The following CDC7 variants were observed in gnomAD, a reference collection of about 807,000 sequenced individuals.
The protein encoded by CDC7 is cell division cycle 7, also known as cell division cycle 7-related protein kinase.
In CDC7, 34 loss-of-function variants were observed where a neutral mutation model predicts 53.5. The observed-to-expected ratio is 0.64, with a 90% CI of 0.48 to 0.85. CDC7 has a LOEUF of 0.85. Among genes scored for constraint, CDC7 ranks in the 40% least tolerant of loss-of-function variants. The pLI is 0.00. For synonymous variants in CDC7, 211 were observed against 222.8 expected (o/e 0.95, Z 0.47); for missense variants, 594 against 679.7 (o/e 0.87, Z 1.40).
chr1:91,519,151 TAACTA>T (rs1431171380), intron 10 of CDC7, among the ~76,000 whole-genome samples: 1 of 143,886 alleles, frequency 6.9e-6, no homozygotes, highest in Middle Eastern at 4.0e-3. Context: ...CAGTTTAAAA[TAACTA>T]AAAGAGTACT....
At position 91,525,477 on chromosome 1, in the gene CDC7, A is replaced by G. The variant is rs1394464974; in HGVS notation, c.*1042A>G. 6.6e-6 allele frequency: 1 copy of G among 152,150 alleles called. No homozygotes were observed. Among genetic ancestry groups the G allele is most frequent in the Non-Finnish European group, 1.5e-5 (1 of 67,978 alleles). 9.4% of individuals were successfully genotyped at this position (152,150 alleles called of 1,614,324 possible). A position where few individuals can be genotyped will look rare whatever the true frequency, so the allele number is the denominator to read the frequency against. ...CCAAGATAGAGGTTTATATTCAGAA[A>G]TGGTATATATCAATGACAGCATATC... On this transcript the variant is annotated 3_prime_UTR_variant, in exon 12 of 12. Coordinates refer to ENST00000234626, the MANE Select transcript of CDC7 (RefSeq NM_003503.4).
intron 2 of CDC7, among the ~76,000 whole-genome samples, chr1:91,505,241 A>G (rs1439100858): frequency 6.6e-6 from 1 of 152,174 alleles, no homozygotes; most frequent in Non-Finnish European, 1.5e-5. Context: ...AAGAATAGCA[A>G]GGAGGTCATT....
chr1:91,512,035 A>G (rs901070837), intron 6 of CDC7, 112 bp downstream of exon 6: 9 of 774,184 alleles, frequency 1.2e-5, no homozygotes, highest in East Asian at 5.7e-5. Flanking sequence ...AAAAGTTACT[A>G]TTGTGAAGCA....
At position 91,513,233 on chromosome 1, in the gene CDC7, T is replaced by C. The variant is rs1474433939; in HGVS notation, c.748T>C (p.Ser250Pro). The C allele has an allele frequency of 6.2e-7, 1 of 1,613,398 alleles. No individual in the cohort carries two copies. Among genetic ancestry groups the C allele is most frequent in the African/African-American group, 1.3e-5 (1 of 74,986 alleles). Residue 250 changes from serine (S) to proline (P), a missense_variant, in exon 7 of 12, where the codon TCC becomes CCC. Transcript: ENST00000234626. Reference protein sequence around the residue: ...GPVPKELDQQSTTKASVKRPY... With the variant: ...GPVPKELDQQPTTKASVKRPY... ...AGTACCTAAGGAGCTGGATCAGCAG[T>C]CCACCACAAAAGCTTCTGTTAAAAG...
At chr1:91,516,297 T>C (rs760254743) in intron 10 of CDC7, among the ~76,000 whole-genome samples, 30 of 152,176 alleles carry the variant, frequency 2.0e-4, no homozygotes, top group Non-Finnish European at 4.3e-4. Context: ...GATGTAGATA[T>C]ATTTGTGTTT....
chr1:91,517,981 C>T (rs1324069597), intron 10 of CDC7, among the ~76,000 whole-genome samples: 1 of 148,136 alleles, frequency 6.8e-6, no homozygotes, highest in Admixed American at 6.9e-5. Flanking sequence ...ACCTGTAGTT[C>T]CAGCTACTGG....
Position 91,513,296 on chromosome 1 carries a change from A to G in CDC7, c.811A>G (p.Lys271Glu). ...TNAQIQIKQGKDGKEGSVGLS... is the reference protein window; with the variant it reads ...TNAQIQIKQGEDGKEGSVGLS... Reference sequence around the variant, plus strand: ...TGCACAAATTCAGATTAAACAAGGAAAAGACGGAAAGGTTCTATCTCTTTT... The same window carrying G: ...TGCACAAATTCAGATTAAACAAGGAGAAGACGGAAAGGTTCTATCTCTTTT... The change falls in exon 7 of 12, where the codon AAA becomes GAA. Residue 271 changes from lysine to glutamate, a missense_variant. By Grantham distance (56) the Lys-to-Glu change is moderately conservative. Coordinates refer to ENST00000234626, the MANE Select transcript of CDC7 (RefSeq NM_003503.4). 1.2e-6 allele frequency: 2 copies of G among 1,612,878 alleles called. No homozygotes were observed. Among genetic ancestry groups the G allele is most frequent in the Non-Finnish European group, 1.7e-6 (2 of 1,179,262 alleles).
chr1:91,505,967 C>G (rs1666963889), intron 2 of CDC7, among the ~76,000 whole-genome samples: 1 of 152,132 alleles, frequency 6.6e-6, no homozygotes, highest in African/African-American at 2.4e-5. Flanking sequence ...TGTGCATTCT[C>G]TCTTGTCTTC....
chr1:91,511,898 T>G lies in CDC7; in HGVS notation c.547T>G (p.Phe183Val), dbSNP rs766161953. 4 of 1,589,368 alleles carry G rather than the reference T, an allele frequency of 2.5e-6. No individual in the cohort carries two copies. The highest frequency in any genetic ancestry group is 3.4e-6 in the Non-Finnish European group (4 of 1,161,842). The part of the protein sequence containing the change: ...IVHRDVKPSN[F>V]LYNRRLKKYA... ...TCACCGTGATGTTAAGCCCAGCAAT[T>G]TTTTATATAATAGGCGCCTGAAAAA... The change falls in exon 6 of 12, where the codon TTT (phenylalanine) becomes GTT (valine). Residue 183 changes from phenylalanine to valine, a missense_variant. Transcript: ENST00000234626.
intron 2 of CDC7, among the ~76,000 whole-genome samples, chr1:91,506,545 AATG>A (rs1666997435): frequency 6.6e-6 from 1 of 152,328 alleles, no homozygotes; most frequent in East Asian, 1.9e-4. Context: ...TTGTATTAAG[AATG>A]ATAACATGTT....
chr1:91,510,169 C>T (rs1667204715), intron 4 of CDC7, among the ~76,000 whole-genome samples: 1 of 151,784 alleles, frequency 6.6e-6, no homozygotes, highest in Non-Finnish European at 1.5e-5. Context: ...GACCTGCGAT[C>T]ACTCCATTGC....
intron 5 of CDC7, 25 bp from the exon 6 acceptor site, chr1:91,511,756 C>G (rs1277912609): frequency 1.3e-6 from 2 of 1,548,930 alleles, no homozygotes; most frequent in East Asian, 2.4e-5. Flanking sequence ...ATTTGTAACT[C>G]ATTTCATTTG....
Position 91,514,007 on chromosome 1 carries a change from A to G in CDC7, c.882A>G (p.Ile294Met). 5 of 1,612,290 alleles carry G rather than the reference A, an allele frequency of 3.1e-6. No homozygotes were observed. Among genetic ancestry groups the G allele is most frequent in the Non-Finnish European group, 3.4e-6 (4 of 1,178,634 alleles). The part of the protein sequence containing the change: ...RSVFGERNFN[I>M]HSSISHESPA... ...TTTTTGGAGAAAGAAATTTCAATATACACAGCTCCATTTCACATGAGAGCC... is the reference window on the plus strand; with the variant it reads ...TTTTTGGAGAAAGAAATTTCAATATGCACAGCTCCATTTCACATGAGAGCC... Residue 294 changes from isoleucine to methionine, a missense_variant, in exon 8 of 12, where the codon ATA (isoleucine) becomes ATG (methionine). Ile to Met is a conservative substitution (Grantham distance 10). Transcript: ENST00000234626.
chr1:91,520,773 G>C (rs567946854), intron 11 of CDC7, among the ~76,000 whole-genome samples: 8 of 152,316 alleles, frequency 5.3e-5, no homozygotes, highest in African/African-American at 1.9e-4. Context: ...GAAGAGAATG[G>C]AAATGTGTGT....
intron 2 of CDC7, among the ~76,000 whole-genome samples, chr1:91,503,412 G>A (rs1190406405): frequency 6.6e-6 from 1 of 152,016 alleles, no homozygotes; most frequent in Non-Finnish European, 1.5e-5. Context: ...TAATCTAATT[G>A]GGAAAGTAAA....
intron 2 of CDC7, among the ~76,000 whole-genome samples, chr1:91,503,136 T>A (rs1666792249): frequency 6.6e-6 from 1 of 152,212 alleles, no homozygotes; most frequent in Admixed American, 6.5e-5. Flanking sequence ...GGTTCTAGCA[T>A]CATGTTTAGG....
At chr1:91,522,578 A>T (rs1034848405) in intron 11 of CDC7, among the ~76,000 whole-genome samples, 1 of 152,220 alleles carries the variant, frequency 6.6e-6, no homozygotes, top group African/African-American at 2.4e-5. Flanking sequence ...TCATATAAAA[A>T]AAAGCATATT....
chr1:91,521,652 TCTA>T (rs1057361437), intron 11 of CDC7, among the ~76,000 whole-genome samples: 1 of 152,214 alleles, frequency 6.6e-6, no homozygotes, highest in African/African-American at 2.4e-5. Flanking sequence ...AAAACTTTCA[TCTA>T]CTATTGAATA....
intron 10 of CDC7, among the ~76,000 whole-genome samples, chr1:91,519,210 A>G (rs1377812125): frequency 6.9e-6 from 1 of 145,802 alleles, no homozygotes; most frequent in Non-Finnish European, 1.5e-5. Flanking sequence ...CAGGAGCTTG[A>G]GACCAGCCTG....
Sources: allele counts gnomAD v4.1 joint callset (sites outside exome capture counted in the v4.1 genomes callset), GRCh38; gene constraint gnomAD v4.1.1; transcripts MANE v1.5; gene names NCBI Gene and HGNC (gene_info 2026-07-23, HGNC 2026-07-21).